FAM133B: variants seen among roughly 807,000 people sequenced by gnomAD.
FAM133B encodes the protein protein FAM133B.
Under a neutral mutation model 46.4 loss-of-function variants are expected in FAM133B, and 25 were observed. The observed-to-expected ratio is 0.54, with a 90% CI of 0.39 to 0.75. The LOEUF (loss-of-function observed/expected upper bound fraction) is 0.75, where lower values mean the gene tolerates loss of function less well. Among genes scored for constraint, FAM133B ranks in the 30% least tolerant of loss-of-function variants. The pLI, the probability that FAM133B is intolerant of heterozygous loss-of-function variation, is 0.00. For synonymous variants in FAM133B, 75 were observed against 86.0 expected (o/e 0.87, Z 0.71); for missense variants, 205 against 277.6 (o/e 0.74, Z 1.86).
intron 8 of FAM133B, among the ~76,000 whole-genome samples, chr7:92,570,845 G>GT (rs1232337858): frequency 2.6e-5 from 4 of 152,120 alleles, no homozygotes; most frequent in African/African-American, 9.7e-5. Flanking sequence ...AATGTTAACT[G>GT]TAAGAAAATG....
intron 2 of FAM133B, among the ~76,000 whole-genome samples, chr7:92,580,394 C>T (rs748096145): frequency 2.8e-4 from 43 of 152,174 alleles, no homozygotes; most frequent in Non-Finnish European, 5.9e-4. Context: ...CATGCCCAGC[C>T]CTGGAATCTG....
chr7:92,574,906 C>T (rs1164775001), intron 8 of FAM133B, among the ~76,000 whole-genome samples: 3 of 137,354 alleles, frequency 2.2e-5, no homozygotes, highest in Admixed American at 7.2e-5. Context: ...AGCGAGACTC[C>T]GTCTCAAAAA....
intron 8 of FAM133B, among the ~76,000 whole-genome samples, chr7:92,574,201 T>C (rs1794622732): frequency 6.6e-6 from 1 of 152,180 alleles, no homozygotes; most frequent in Non-Finnish European, 1.5e-5. Context: ...AATGAATGGA[T>C]GGCGAAATCC....
chr7:92,566,382 G>C (rs1794349534), intron 9 of FAM133B, among the ~76,000 whole-genome samples: 1 of 152,082 alleles, frequency 6.6e-6, no homozygotes, highest in South Asian at 2.1e-4. Context: ...TCAGCATTTT[G>C]GGAGGCCAAG....
chr7:92,572,053 CAAT>C, intron 8 of FAM133B, among the ~76,000 whole-genome samples: 1 of 152,014 alleles, frequency 6.6e-6, no homozygotes, highest in Admixed American at 6.6e-5. Flanking sequence ...GGGCTAAAAA[CAAT>C]GATTATGTGA....
chr7:92,577,856 T>C (rs1358859940), intron 5 of FAM133B, 139 bp from the exon 6 acceptor site: 5 of 740,336 alleles, frequency 6.8e-6, no homozygotes, highest in Admixed American at 3.1e-5. Context: ...TATGAAAATA[T>C]AAAATGTCAC....
rs764805216 is a variant in FAM133B at position 92,581,566 on chromosome 7, C to T, written c.62G>A (p.Gly21Asp). 1.9e-6 allele frequency: 3 copies of T among 1,613,724 alleles called. No homozygotes were observed. Among genetic ancestry groups the T allele is most frequent in the Non-Finnish European group, 2.5e-6 (3 of 1,179,820 alleles). The part of the protein sequence containing the change: ...MNPIAMARSR[G>D]PIQSSGPTIQ... ...TGTTGGCCCTGAAGACTGGATTGGA[C>T]CCCTTGATCTCGCCATTGCTATTGG... The change falls in exon 2 of 11, where the codon GGT becomes GAT. Residue 21 changes from glycine to aspartate, a missense_variant. Physicochemically the swap from Gly to Asp is moderately conservative, Grantham distance 94 (BLOSUM62 -1). Coordinates refer to ENST00000445716, the MANE Select transcript of FAM133B (RefSeq NM_152789.4).
chr7:92,582,459 C>T (rs951414430), intron 1 of FAM133B, among the ~76,000 whole-genome samples: 7 of 151,890 alleles, frequency 4.6e-5, no homozygotes, highest in African/African-American at 1.7e-4. Context: ...TAGTTAACAT[C>T]AAAAATTGTA....
In FAM133B at chr7:92,577,638, T is replaced by C. The variant is rs1308478112; in HGVS notation, c.372+17A>G. On this transcript the variant is annotated intron_variant, in intron 6 of 10. Transcript: ENST00000445716. ...TTAAGAGATATTATTTCATGAACCATTATAAGCAAACCTTACCTCATCTTC... is the reference window on the plus strand; with the variant it reads ...TTAAGAGATATTATTTCATGAACCACTATAAGCAAACCTTACCTCATCTTC... 6.4e-7 allele frequency: 1 copy of C among 1,559,076 alleles called. No individual in the cohort carries two copies. The highest frequency in any genetic ancestry group is 8.7e-7 in the Non-Finnish European group (1 of 1,150,850).
At chr7:92,567,332 A>G (rs1210473171) in intron 9 of FAM133B, among the ~76,000 whole-genome samples, 1 of 152,262 alleles carries the variant, frequency 6.6e-6, no homozygotes, top group Non-Finnish European at 1.5e-5. Context: ...TGTAGCAGAC[A>G]AACATAATAC....
At chr7:92,588,271 A>G (rs1471565352) in intron 1 of FAM133B, among the ~76,000 whole-genome samples, 1 of 152,216 alleles carries the variant, frequency 6.6e-6, no homozygotes, top group East Asian at 1.9e-4. Flanking sequence ...AAGTTTTTCA[A>G]ATGTTTTAGA....
At chr7:92,586,351 A>C (rs1298356210) in intron 1 of FAM133B, among the ~76,000 whole-genome samples, 2 of 152,264 alleles carry the variant, frequency 1.3e-5, no homozygotes, top group East Asian at 3.8e-4. Flanking sequence ...TTAAGCAACA[A>C]TACTTTTCTT....
intron 8 of FAM133B, among the ~76,000 whole-genome samples, chr7:92,571,457 A>G (rs1794528611): frequency 2.0e-5 from 3 of 152,144 alleles, no homozygotes; most frequent in African/African-American, 7.2e-5. Context: ...TTCACAGTTT[A>G]ATTTTTGTAA....
intron 1 of FAM133B, 106 bp downstream of exon 1, chr7:92,590,162 T>A: frequency 2.5e-6 from 4 of 1,572,662 alleles, no homozygotes; most frequent in Non-Finnish European, 3.5e-6. Context: ...GCCCCACGTC[T>A]GAGGGCTGCC....
rs201588164 is a variant in FAM133B at position 92,578,364 on chromosome 7, C to T, written c.231G>A (p.Arg77=). 37 of 1,613,330 alleles carry T rather than the reference C, an allele frequency of 2.3e-5. No homozygotes were observed. Among genetic ancestry groups the T allele is most frequent in the Non-Finnish European group, 3.1e-5 (36 of 1,179,730 alleles). Residue 77 remains arginine (R), a synonymous_variant, in exon 4 of 11, where the codon AGG becomes AGA. Coordinates refer to ENST00000445716, the MANE Select transcript of FAM133B (RefSeq NM_152789.4). ...TCTCACTTCCACTTAACAATTTCTC[C>T]CTGTGTTTTTCCAGTTCTTTCTTCC... ...ENWKKELEKH[R]EKLLSGSESS... is the part of the protein sequence containing the mutation.
chr7:92,575,496 C>A (rs945564492), intron 8 of FAM133B, among the ~76,000 whole-genome samples: 9 of 152,010 alleles, frequency 5.9e-5, no homozygotes, highest in African/African-American at 1.2e-4. Context: ...AAAAAGAAAT[C>A]AAAGGAAATG....
At chr7:92,578,212 T>C (rs368322050) in intron 4 of FAM133B, 30 bp from the exon 5 acceptor site, 52 of 1,610,954 alleles carry the variant, frequency 3.2e-5, no homozygotes, top group Non-Finnish European at 4.4e-5. Flanking sequence ...CAAGTCTAAA[T>C]AAGCTGATGT....
intron 1 of FAM133B, among the ~76,000 whole-genome samples, chr7:92,587,001 TGTAGG>T (rs1585318447): frequency 6.6e-6 from 1 of 152,220 alleles, no homozygotes; most frequent in Non-Finnish European, 1.5e-5. Context: ...AATGTGTCGA[TGTAGG>T]TTCATGAAAT....
chr7:92,574,777 C>T lies in FAM133B; in HGVS notation c.516+994G>A, dbSNP rs531517875. On this transcript the variant is annotated intron_variant, in intron 8 of 10. Transcript: ENST00000445716. The stretch of plus-strand genomic sequence containing the variant: ...AAAATTAGCCGGGCGCGGTGGCGGG[C>T]GCCTGTAGTCCCAGCTACTCGGGAG... 1.1e-3 allele frequency among the ~76,000 whole-genome samples: 165 copies of T among 151,668 alleles called. 1 individual carries two copies. Among genetic ancestry groups the T allele is most frequent in the Admixed American group, 3.3e-3 (50 of 15,242 alleles).
Sources: gnomAD v4.1 joint callset for allele counts (sites outside exome capture counted in the v4.1 genomes callset) on GRCh38, gnomAD v4.1.1 for gene constraint, MANE v1.5 for transcripts, NCBI Gene and HGNC (gene_info 2026-07-23, HGNC 2026-07-21) for gene names.